The following WDR81 variants were observed in gnomAD, a reference collection of about 807,000 sequenced individuals.
WDR81 encodes WD repeat domain 81, also known as WD repeat-containing protein 81.
Under a neutral mutation model 140.8 loss-of-function variants are expected in WDR81, and 92 were observed. The ratio of observed to expected loss-of-function variants is 0.65; its 90% CI spans 0.55 to 0.78. The LOEUF (loss-of-function observed/expected upper bound fraction) is 0.78, where lower values mean the gene tolerates loss of function less well. Ranked by LOEUF, WDR81 falls within the 30% of genes least tolerant of loss-of-function variation. The pLI, the probability that WDR81 is intolerant of heterozygous loss-of-function variation, is 0.00. For synonymous variants in WDR81, 1,183 were observed against 1,156.4 expected, an observed-to-expected ratio of 1.02 and a Z score of -0.47; for missense variants, 2,502 against 2,636.4, an observed-to-expected ratio of 0.95 and a Z score of 1.12.
In WDR81 at chr17:1,728,337, CGAG is replaced by C. The variant is rs1567721239; in HGVS notation, c.3380_3382del (p.Glu1127del). 1 of 1,612,894 alleles carries C rather than the reference CGAG, an allele frequency of 6.2e-7. No individual in the cohort carries two copies. The highest frequency in any genetic ancestry group is 1.1e-5 in the South Asian group (1 of 91,088). On this transcript the variant is annotated inframe_deletion, in exon 1 of 10. Coordinates refer to ENST00000409644, the MANE Select transcript of WDR81 (RefSeq NM_001163809.2). ...CCCTGGGTGAGGAGCGGGCTCCAGA[CGAG>C]GGGGGTGCCCCCGTGGACAAGAGCA...
chr17:1,727,821 C>A lies in WDR81; in HGVS notation c.2862C>A (p.Gly954=). 1.9e-6 allele frequency: 3 copies of A among 1,550,642 alleles called. No individual in the cohort carries two copies. The highest frequency in any genetic ancestry group is 2.6e-6 in the Non-Finnish European group (3 of 1,147,030). ...YLFEPVAKAL[G]PKNANKYLLK... is the part of the protein sequence containing the mutation. Reference sequence around the variant, plus strand: ...TTGAGCCTGTTGCCAAGGCACTGGGCCCCAAAAATGCCAATAAGTACCTCC... The same window carrying A: ...TTGAGCCTGTTGCCAAGGCACTGGGACCCAAAAATGCCAATAAGTACCTCC... Residue 954 remains glycine (G), a synonymous_variant, in exon 1 of 10, where the codon GGC becomes GGA. Transcript: ENST00000409644.
chr17:1,732,569 G>C, intron 5 of WDR81, 79 bp downstream of exon 5: 1 of 1,581,582 alleles, frequency 6.3e-7, no homozygotes, highest in Non-Finnish European at 8.6e-7. Flanking sequence ...CTTGCTCATA[G>C]GATCTGAAGC....
intron 1 of WDR81, chr17:1,717,321 A>G (rs1914629398): frequency 6.5e-6 from 1 of 152,672 alleles, no homozygotes; most frequent in African/African-American, 2.4e-5. Context: ...TTAAAGGGGC[A>G]AGCCGGAGAC....
At position 1,737,728 on chromosome 17, in the gene WDR81, C is replaced by G. The variant is rs759946368; in HGVS notation, c.*43C>G. The G allele has an allele frequency of 5.2e-6, 8 of 1,552,780 alleles. No individual in the cohort carries two copies. Among genetic ancestry groups the G allele is most frequent in the Non-Finnish European group, 6.1e-6 (7 of 1,152,916 alleles). On this transcript the variant is annotated 3_prime_UTR_variant, in exon 10 of 10. Coordinates refer to ENST00000409644, the MANE Select transcript of WDR81 (RefSeq NM_001163809.2). ...CCGGGCAAGGGTGGGAAGACATCTG[C>G]GGGCGCGTGTCCACTCACCCTGTTC...
Position 1,733,975 on chromosome 17 carries a change from C to G in WDR81, c.4938C>G (p.Gly1646=), listed in dbSNP as rs755199207. The change falls in exon 7 of 10, where the codon GGC becomes GGG. Residue 1646 remains glycine (G), a synonymous_variant. Coordinates refer to ENST00000409644, the MANE Select transcript of WDR81 (RefSeq NM_001163809.2). ...AGATCCGCCTGCAGAGCTTCCCGGG[C>G]CACTCGGGGGCCGTCAAGTGCGTGG... The part of the protein sequence containing the change: ...FHQIRLQSFP[G]HSGAVKCVAP... 2 of 1,612,868 alleles carry G rather than the reference C, an allele frequency of 1.2e-6. No homozygotes were observed. The highest frequency in any genetic ancestry group is 1.7e-6 in the Non-Finnish European group (2 of 1,179,994).
chr17:1,726,790 C>T lies in WDR81; in HGVS notation c.1831C>T (p.Gln611Ter). 6.5e-7 allele frequency: 1 copy of T among 1,548,978 alleles called. No individual in the cohort carries two copies. The highest frequency in any genetic ancestry group is 8.7e-7 in the Non-Finnish European group (1 of 1,146,834). Residue 611 changes from glutamine (Q) to a stop codon, truncating the protein, a stop_gained, in exon 1 of 10, where the codon CAG becomes TAG. Coordinates refer to ENST00000409644, the MANE Select transcript of WDR81 (RefSeq NM_001163809.2). LOFTEE classifies it high-confidence loss of function. ...TCCCCTCATCCCCAAGCTGTTGGTC[C>T]AGACCATCCAGGAGACCACAGGCCG... Reference protein sequence around the residue: ...EPPLIPKLLVQTIQETTGRED... With the variant: ...EPPLIPKLLV
chr17:1,735,063 A>C lies in WDR81; in HGVS notation c.5180-509A>C, dbSNP rs1206534933. On this transcript the variant is annotated intron_variant, in intron 7 of 9. Coordinates refer to ENST00000409644, the MANE Select transcript of WDR81 (RefSeq NM_001163809.2). The surrounding 1 kb of genome is among the most constrained non-coding windows in gnomAD (Gnocchi z 4.2). The stretch of plus-strand genomic sequence containing the variant: ...GGCCGATGCAGTGGCTCACGCCTGT[A>C]ATCTCAGCACTCTGGGAGGCCAGGA... Among the ~76,000 whole-genome samples the C allele has an allele frequency of 1.3e-5, 2 of 152,052 alleles. No individual in the cohort carries two copies. Among genetic ancestry groups the C allele is most frequent in the African/African-American group, 2.4e-5 (1 of 41,394 alleles).
At chr17:1,718,615 A>G (rs531895936) in intron 1 of WDR81, among the ~76,000 whole-genome samples, 205 of 152,296 alleles carry the variant, frequency 1.3e-3, no homozygotes, top group African/African-American at 4.9e-3. Flanking sequence ...ACCCAGGTAA[A>G]TATTTTGCCT....
rs1915594652 is a variant in WDR81 at position 1,730,232 on chromosome 17, G to C, written c.3668-148G>C. The C allele has an allele frequency of 1.9e-5, 12 of 633,824 alleles. No individual in the cohort carries two copies. The South Asian group carries it at 2.0e-4, about 10-fold the overall frequency. The allele number at this position is 633,824 out of a possible 1,614,324, so 39.3% of individuals were successfully genotyped here. ...CTGGGCACCTCTGCCGCTGTTACGTGGAGGGGGTGGTGTGGGACAGCCGGC... is the reference window on the plus strand; with the variant it reads ...CTGGGCACCTCTGCCGCTGTTACGTCGAGGGGGTGGTGTGGGACAGCCGGC... On this transcript the variant is annotated intron_variant, in intron 1 of 9. Coordinates refer to ENST00000409644, the MANE Select transcript of WDR81 (RefSeq NM_001163809.2).
upstream of WDR81, chr17:1,724,586 A>G: frequency 1.1e-5 from 11 of 984,464 alleles, no homozygotes; most frequent in Non-Finnish European, 1.3e-5. Flanking sequence ...AGACCGAGCC[A>G]GAGCGGAGCA....
intron 1 of WDR81, among the ~76,000 whole-genome samples, chr17:1,719,680 C>T (rs984900938): frequency 6.6e-6 from 1 of 150,532 alleles, no homozygotes; most frequent in African/African-American, 2.4e-5. Context: ...GCCTGGGCAA[C>T]GTGGCAAGAC....
In WDR81 at chr17:1,734,089, C is replaced by T. The variant is rs774093819; in HGVS notation, c.5052C>T (p.Thr1684=). 11 of 1,578,832 alleles carry T rather than the reference C, an allele frequency of 7.0e-6. No individual in the cohort carries two copies. In the African/African-American group the frequency reaches 1.4e-4, roughly 20 times the overall value. ...LWPLYNYGDG[T]SETAPRLVYT... is the part of the protein sequence containing the mutation. ...CGCTGTACAACTACGGCGACGGGACCAGCGAGACGGCCCCACGCCTCGTCT... is the reference window on the plus strand; with the variant it reads ...CGCTGTACAACTACGGCGACGGGACTAGCGAGACGGCCCCACGCCTCGTCT... Residue 1684 remains threonine (T), a synonymous_variant, in exon 7 of 10, where the codon ACC becomes ACT. Transcript: ENST00000409644.
At position 1,735,175 on chromosome 17, in the gene WDR81, A is replaced by G. The variant is rs1280732177; in HGVS notation, c.5180-397A>G. Among the ~76,000 whole-genome samples, 1 of 152,174 alleles carries G rather than the reference A, an allele frequency of 6.6e-6. No homozygotes were observed. Among genetic ancestry groups the G allele is most frequent in the South Asian group, 2.1e-4 (1 of 4,828 alleles). On this transcript the variant is annotated intron_variant, in intron 7 of 9. Transcript: ENST00000409644. The surrounding 1 kb of genome is among the most constrained non-coding windows in gnomAD (Gnocchi z 4.2). ...CCGGACGCGGTGGCTCACGCCTGTA[A>G]TCCCAGCACTTTGGGAGGCCAAAGT... is the stretch of plus-strand genomic sequence containing the variant.
At chr17:1,724,130 C>T (rs561346199), upstream of WDR81, among the ~76,000 whole-genome samples, 8 of 152,046 alleles carry the variant, frequency 5.3e-5, no homozygotes, top group African/African-American at 1.9e-4. Context: ...CTTGGGAGGC[C>T]GAGACGGGTG....
chr17:1,725,009 G>A lies in WDR81; in HGVS notation c.50G>A (p.Gly17Glu). 6.8e-7 allele frequency: 1 copy of A among 1,471,218 alleles called. No homozygotes were observed. The highest frequency in any genetic ancestry group is 9.0e-7 in the Non-Finnish European group (1 of 1,113,712). 91.1% of individuals were successfully genotyped at this position (1,471,218 alleles called of 1,614,324 possible). Residue 17 changes from glycine to glutamate, a missense_variant, in exon 1 of 10, where the codon GGG (glycine) becomes GAG (glutamate). Coordinates refer to ENST00000409644, the MANE Select transcript of WDR81 (RefSeq NM_001163809.2). Reference protein sequence around the residue: ...GREGALRTPAGGWHSPPSPDM... With the variant: ...GREGALRTPAEGWHSPPSPDM... ...GAAGGCGCTCTCAGAACCCCGGCCG[G>A]GGGCTGGCATTCCCCGCCAAGCCCA... is the stretch of plus-strand genomic sequence containing the variant.
rs777217450 is a variant in WDR81 at position 1,737,598 on chromosome 17, C to T, written c.5739C>T (p.Arg1913=). 1.1e-4 allele frequency: 171 copies of T among 1,612,676 alleles called. 2 individuals are homozygous for T. Among genetic ancestry groups the T allele is most frequent in the Admixed American group, 9.8e-4 (59 of 59,998 alleles). ...ATTKLSSENF[R]GTLTSLALLP... ...CGAAGCTCAGCTCTGAGAACTTCCG[C>T]GGCACGCTCACCAGCCTGGCCTTGC... Residue 1913 remains arginine, a synonymous_variant, in exon 10 of 10, where the codon CGC becomes CGT. Transcript: ENST00000409644.
rs1338438732 is a variant in WDR81 at position 1,734,194 on chromosome 17, G to C, written c.5157G>C (p.Val1719=). 6.3e-7 allele frequency: 1 copy of C among 1,592,574 alleles called. No homozygotes were observed. Residue 1719 remains valine, a synonymous_variant, in exon 7 of 10, where the codon GTG becomes GTC. Transcript: ENST00000409644. ...ACGTGGTGAGCTGTGACGGGGCTGT[G>C]CACGTCTGGGACCCCTTCACAGGTG... is the stretch of plus-strand genomic sequence containing the variant. ...PQHVVSCDGA[V]HVWDPFTGKT...
Position 1,726,766 on chromosome 17 carries a change from C to T in WDR81, c.1807C>T (p.Pro603Ser). The change falls in exon 1 of 10, where the codon CCC becomes TCC. Residue 603 changes from proline (P) to serine (S), a missense_variant. Physicochemically the swap from Pro to Ser is moderately conservative, Grantham distance 74. This residue lies in a region of WDR81 where 1,737 missense variants were observed against 1,843.0 expected (regional missense o/e 0.94). Coordinates refer to ENST00000409644, the MANE Select transcript of WDR81 (RefSeq NM_001163809.2). ...AGAPALAPEP[P>S]LIPKLLVQTI... ...GGCTCCTGCCCTTGCCCCCGAGCCT[C>T]CCCTCATCCCCAAGCTGTTGGTCCA... The T allele has an allele frequency of 6.5e-7, 1 of 1,548,224 alleles. No individual in the cohort carries two copies. Among genetic ancestry groups the T allele is most frequent in the East Asian group, 2.4e-5 (1 of 40,896 alleles).
At position 1,737,741 on chromosome 17, in the gene WDR81, A is replaced by G. The variant is rs2287322; in HGVS notation, c.*56A>G. The stretch of plus-strand genomic sequence containing the variant: ...GGAAGACATCTGCGGGCGCGTGTCC[A>G]CTCACCCTGTTCCCTGAGCAGCAGC... On this transcript the variant is annotated 3_prime_UTR_variant, in exon 10 of 10. Coordinates refer to ENST00000409644, the MANE Select transcript of WDR81 (RefSeq NM_001163809.2). 0.23 allele frequency: 351,923 copies of G among 1,524,560 alleles called. 42,063 individuals carry two copies. The highest frequency in any genetic ancestry group is 0.39 in the South Asian group (30,436 of 78,572). 94.4% of individuals were successfully genotyped at this position (1,524,560 alleles called of 1,614,324 possible).
Sources: gnomAD v4.1 joint callset for allele counts (sites outside exome capture counted in the v4.1 genomes callset) on GRCh38, gnomAD v4.1.1 for gene constraint, gnomAD v4.1.1 regional missense constraint, Gnocchi (gnomAD v3.1) non-coding constraint, MANE v1.5 for transcripts, NCBI Gene and HGNC (gene_info 2026-07-23, HGNC 2026-07-21) for gene names.